The following ELP4 variants were observed in gnomAD, a reference collection of about 807,000 sequenced individuals.
The protein encoded by ELP4 is elongator complex protein 4.
Under a neutral mutation model 48.9 loss-of-function variants are expected in ELP4, and 51 were observed. That is an observed-to-expected ratio of 1.04 (90% CI 0.83 to 1.32). The LOEUF (loss-of-function observed/expected upper bound fraction) is 1.32, where lower values mean the gene tolerates loss of function less well. Among genes scored for constraint, ELP4 ranks in the 40% most tolerant of loss-of-function variants. The pLI is 0.00. For synonymous variants in ELP4, 210 were observed against 189.2 expected, an observed-to-expected ratio of 1.11 and a Z score of -0.90; for missense variants, 519 against 514.6, an observed-to-expected ratio of 1.01 and a Z score of -0.08.
chr11:31,730,405 C>T (rs1458772644), intron 9 of ELP4, among the ~76,000 whole-genome samples: 1 of 152,150 alleles, frequency 6.6e-6, no homozygotes, highest in African/African-American at 2.4e-5. Context: ...GCCTTCATGA[C>T]TTAATCACCT....
intron 9 of ELP4, among the ~76,000 whole-genome samples, chr11:31,679,777 T>G (rs932783798): frequency 2.6e-5 from 4 of 152,186 alleles, no homozygotes; most frequent in African/African-American, 9.7e-5. Context: ...CTTTTGCCTT[T>G]CCATATAAGC....
chr11:31,772,313 A>G (rs1948162883), intron 9 of ELP4, among the ~76,000 whole-genome samples: 1 of 151,982 alleles, frequency 6.6e-6, no homozygotes, highest in African/African-American at 2.4e-5. Context: ...TTTTTGGTAG[A>G]GACTGTGTTT....
At chr11:31,711,465 G>C (rs1946741479) in intron 9 of ELP4, among the ~76,000 whole-genome samples, 1 of 152,072 alleles carries the variant, frequency 6.6e-6, no homozygotes, top group Non-Finnish European at 1.5e-5. Context: ...AAGCACCAGT[G>C]AACTAATAAT....
intron 9 of ELP4, among the ~76,000 whole-genome samples, chr11:31,759,793 G>A (rs538338886): frequency 5.6e-4 from 85 of 150,846 alleles, no homozygotes; most frequent in African/African-American, 1.8e-3. Context: ...TGCAACCTCC[G>A]CCTCTTGGGT....
At position 31,739,951 on chromosome 11, in the gene ELP4, T is replaced by C. The variant is rs149599056; in HGVS notation, c.1144-43442T>C. On this transcript the variant is annotated intron_variant, in intron 9 of 9. Coordinates refer to ENST00000640961, the MANE Select transcript of ELP4 (RefSeq NM_019040.5). Reference sequence around the variant, plus strand: ...ACTGCCATCACTCCAATTCTGAAGATGATAATCAAGAAATTTTTTTCTCTC... The same window carrying C: ...ACTGCCATCACTCCAATTCTGAAGACGATAATCAAGAAATTTTTTTCTCTC... Among the ~76,000 whole-genome samples, 1,049 of 152,358 alleles carry C rather than the reference T, an allele frequency of 6.9e-3. 6 individuals are homozygous for C. The highest frequency in any genetic ancestry group is 0.013 in the Admixed American group (198 of 15,296).
At chr11:31,740,197 A>C (rs765973741) in intron 9 of ELP4, among the ~76,000 whole-genome samples, 1 of 152,208 alleles carries the variant, frequency 6.6e-6, no homozygotes, top group Non-Finnish European at 1.5e-5. Flanking sequence ...ATGAGACCTT[A>C]GTCTGTTACA....
At chr11:31,536,647 T>C (rs1350015054) in intron 2 of ELP4, among the ~76,000 whole-genome samples, 1 of 152,188 alleles carries the variant, frequency 6.6e-6, no homozygotes, top group African/African-American at 2.4e-5. Flanking sequence ...CCACCGCATC[T>C]GGTCTGCCAA....
At chr11:31,621,551 C>T (rs1307798523) in intron 5 of ELP4, among the ~76,000 whole-genome samples, 2 of 151,896 alleles carry the variant, frequency 1.3e-5, no homozygotes, top group African/African-American at 4.8e-5. Flanking sequence ...CACACATGTA[C>T]ATGTTGACAC....
rs1201351434 is a variant in ELP4 at position 31,603,797 on chromosome 11, T to G, written c.543T>G (p.Gly181=). 1.2e-6 allele frequency: 2 copies of G among 1,609,112 alleles called. No homozygotes were observed. The highest frequency in any genetic ancestry group is 3.3e-5 in the Admixed American group (2 of 59,728). ...GACCAGTATCATCTTCAAGATTTGG[T>G]CACTATTATGATGCATCAAAAAGAA... ...EIGPVSSSRF[G]HYYDASKRMP... Residue 181 remains glycine (G), a synonymous_variant, in exon 5 of 10, where the codon GGT becomes GGG. Coordinates refer to ENST00000640961, the MANE Select transcript of ELP4 (RefSeq NM_019040.5).
chr11:31,543,368 G>T (rs1956624727), intron 3 of ELP4, among the ~76,000 whole-genome samples: 1 of 152,106 alleles, frequency 6.6e-6, no homozygotes, highest in Non-Finnish European at 1.5e-5. Context: ...CACCCAGGCT[G>T]GAGTGTAGTG....
At chr11:31,762,212 T>C (rs1159968657) in intron 9 of ELP4, 9 of 152,126 alleles carry the variant, frequency 5.9e-5, no homozygotes, top group African/African-American at 2.2e-4. Flanking sequence ...GAAAAAAACT[T>C]GACCTATGCA....
intron 5 of ELP4, among the ~76,000 whole-genome samples, chr11:31,616,078 T>A (rs1401027630): frequency 1.3e-5 from 2 of 152,080 alleles, no homozygotes; most frequent in Non-Finnish European, 2.9e-5. Flanking sequence ...TTAGTTTACT[T>A]AAAGTTACAC....
In ELP4 at chr11:31,567,089, G is replaced by A. The variant is rs1194452108; in HGVS notation, c.381+27306G>A. On this transcript the variant is annotated intron_variant, in intron 3 of 9. Coordinates refer to ENST00000640961, the MANE Select transcript of ELP4 (RefSeq NM_019040.5). ...GGGATTACAGGCATGCGCCACCACC[G>A]CACCTGGCTAACTTTGTATTTTTAG... Among the ~76,000 whole-genome samples the A allele has an allele frequency of 3.3e-5, 5 of 151,346 alleles. No homozygotes were observed. The South Asian group carries it at 8.3e-4, about 25-fold the overall frequency.
chr11:31,707,126 T>C (rs914947894), intron 9 of ELP4: 9 of 396,878 alleles, frequency 2.3e-5, no homozygotes, highest in African/African-American at 1.8e-4. Flanking sequence ...CATATGGTAG[T>C]TTCATTTGCA....
intron 9 of ELP4, among the ~76,000 whole-genome samples, chr11:31,714,021 G>A (rs561211924): frequency 6.6e-6 from 1 of 152,244 alleles, no homozygotes; most frequent in African/African-American, 2.4e-5. Flanking sequence ...AGAATGCCAA[G>A]TAGAGTAGAA....
intron 7 of ELP4, chr11:31,637,276 A>G (rs1272349303): frequency 2.6e-5 from 4 of 151,864 alleles, no homozygotes; most frequent in Non-Finnish European, 5.9e-5. Flanking sequence ...AGACTCAAGC[A>G]GTAGACAGAC....
chr11:31,756,125 G>A (rs987084068), intron 9 of ELP4, among the ~76,000 whole-genome samples: 1 of 152,168 alleles, frequency 6.6e-6, no homozygotes, highest in Non-Finnish European at 1.5e-5. Flanking sequence ...TTGGGGGATG[G>A]GAGCTCATCT....
chr11:31,774,907 C>A (rs575910158), intron 9 of ELP4, among the ~76,000 whole-genome samples: 121 of 152,288 alleles, frequency 7.9e-4, no homozygotes, highest in African/African-American at 2.8e-3. Context: ...GTTAGATGAC[C>A]TAGTACTCTT....
intron 9 of ELP4, among the ~76,000 whole-genome samples, chr11:31,738,250 A>T (rs1231214440): frequency 1.3e-5 from 2 of 148,286 alleles, no homozygotes; most frequent in Admixed American, 6.7e-5. Flanking sequence ...AAAAAAAAAA[A>T]AAAAAAATTA....
Sources: allele counts gnomAD v4.1 joint callset (sites outside exome capture counted in the v4.1 genomes callset), GRCh38; gene constraint gnomAD v4.1.1; transcripts MANE v1.5; gene names NCBI Gene and HGNC (gene_info 2026-07-23, HGNC 2026-07-21).